Variants in CFAP299 observed in about 807,000 individuals in gnomAD.
CFAP299 encodes the protein cilia- and flagella-associated protein 299.
CFAP299 carries 21 observed loss-of-function variants against 27.0 expected under a neutral mutation model. That is an observed-to-expected ratio of 0.78 (90% CI 0.55 to 1.12). CFAP299 has a LOEUF of 1.12. Ranked by LOEUF, CFAP299 falls within the 50% of genes most tolerant of loss-of-function variation. The pLI, the probability that CFAP299 is intolerant of heterozygous loss-of-function variation, is 0.00. For missense variants in CFAP299, 310 were observed against 276.6 expected, an observed-to-expected ratio of 1.12 and a Z score of -0.86; for synonymous variants, 104 against 98.1, an observed-to-expected ratio of 1.06 and a Z score of -0.36.
At chr4:80,351,618 G>T (rs1723018155) in intron 1 of CFAP299, among the ~76,000 whole-genome samples, 1 of 151,854 alleles carries the variant, frequency 6.6e-6, no homozygotes, top group Admixed American at 6.6e-5. Context: ...CAACCATACT[G>T]AAAATTACAT....
the CFAP299 span, among the ~76,000 whole-genome samples, chr4:80,323,659 TG>T: frequency 6.6e-6 from 1 of 152,218 alleles, no homozygotes; most frequent in African/African-American, 2.4e-5. Context: ...TATATTATAA[TG>T]GTTAATAAAT....
rs1340294004 is a variant in CFAP299 at position 80,866,079 on chromosome 4, A to G, written c.334-3914A>G. Among the ~76,000 whole-genome samples, 13 of 121,476 alleles carry G rather than the reference A, an allele frequency of 1.1e-4. 1 individual carries two copies. The Admixed American group carries it at 1.1e-3, about 10-fold the overall frequency. The allele number at this position is 121,476 out of a possible 152,430, so 79.7% of individuals were successfully genotyped here. The stretch of plus-strand genomic sequence containing the variant: ...AAGTATTATATATATATATATATAT[A>G]TATATATATATATATATCTTCCCAA... On this transcript the variant is annotated intron_variant, in intron 3 of 5. Transcript: ENST00000358105.
At chr4:80,687,289 G>T (rs545627971) in intron 3 of CFAP299, among the ~76,000 whole-genome samples, 5 of 152,166 alleles carry the variant, frequency 3.3e-5, no homozygotes, top group African/African-American at 1.2e-4. Flanking sequence ...TACCACTCGT[G>T]ATCTCCTCAG....
intron 2 of CFAP299, among the ~76,000 whole-genome samples, chr4:80,499,998 G>T (rs912163529): frequency 6.6e-6 from 1 of 151,460 alleles, no homozygotes; most frequent in African/African-American, 2.4e-5. Context: ...TTTGAATGAC[G>T]GACTTTAGCA....
intron 1 of CFAP299, among the ~76,000 whole-genome samples, chr4:80,357,625 G>T (rs1206963599): frequency 6.6e-6 from 1 of 152,148 alleles, no homozygotes; most frequent in Non-Finnish European, 1.5e-5. Context: ...TATGTGCATA[G>T]AGGTGTTCAT....
At chr4:80,386,697 T>C (rs538745694) in intron 2 of CFAP299, 17 of 1,576,584 alleles carry the variant, frequency 1.1e-5, no homozygotes, top group Non-Finnish European at 1.1e-5. Context: ...AAGGACCTGC[T>C]GCACAGGGCG....
intron 3 of CFAP299, among the ~76,000 whole-genome samples, chr4:80,598,172 G>C (rs556491748): frequency 1.3e-5 from 2 of 152,286 alleles, no homozygotes; most frequent in African/African-American, 4.8e-5. Context: ...ATGCTAAAGA[G>C]TTTAGCATAG....
At chr4:80,501,736 C>T (rs920930909) in intron 2 of CFAP299, among the ~76,000 whole-genome samples, 2 of 151,616 alleles carry the variant, frequency 1.3e-5, no homozygotes, top group African/African-American at 4.8e-5. Flanking sequence ...AAAGATGTCA[C>T]CATTTTTGAT....
rs1578015227 is a variant in CFAP299, at chr4:80,684,571, G to C, written c.333+101388G>C. On this transcript the variant is annotated intron_variant, in intron 3 of 5. Transcript: ENST00000358105. ...GCGTGAGCCACTGCGCCCGGCCTGA[G>C]ATGACTATTTTAAGAAATATTTCTA... 2.0e-5 allele frequency among the ~76,000 whole-genome samples: 3 copies of C among 152,250 alleles called. No homozygotes were observed. The South Asian group carries it at 6.2e-4, about 32-fold the overall frequency.
At chr4:80,531,858 A>G (rs1011488415) in intron 2 of CFAP299, among the ~76,000 whole-genome samples, 1 of 151,514 alleles carries the variant, frequency 6.6e-6, no homozygotes, top group African/African-American at 2.4e-5. Context: ...GATTCAAGCA[A>G]TTCTCCTGTC....
chr4:80,657,804 A>G (rs1008672802), intron 3 of CFAP299, among the ~76,000 whole-genome samples: 63 of 152,264 alleles, frequency 4.1e-4, no homozygotes, highest in African/African-American at 1.5e-3. Flanking sequence ...CATTGAATCT[A>G]TAAATTACAT....
chr4:80,844,189 T>C (rs1207525920), intron 3 of CFAP299, among the ~76,000 whole-genome samples: 3 of 152,184 alleles, frequency 2.0e-5, no homozygotes, highest in African/African-American at 7.2e-5. Context: ...GTCTTTGCTA[T>C]TGTGAATAGT....
chr4:80,622,567 T>C lies in CFAP299; in HGVS notation c.333+39384T>C, dbSNP rs150383967. 1.2e-3 allele frequency among the ~76,000 whole-genome samples: 186 copies of C among 150,316 alleles called. 2 individuals carry two copies. The highest frequency in any genetic ancestry group is 4.4e-3 in the African/African-American group (176 of 39,668). On this transcript the variant is annotated intron_variant, in intron 3 of 5. Coordinates refer to ENST00000358105, the MANE Select transcript of CFAP299 (RefSeq NM_152770.3). ...ATAATAACTTGACTGGCCTTTATAA[T>C]TTTTTATTGTCAATATGTTTCTAAT...
In CFAP299 at chr4:80,591,104, A is replaced by ATTTTTTTTTTTTTTTTTTTTTTTTTT. The variant is rs1339201630; in HGVS notation, c.333+7921_333+7922insTTTTTTTTTTTTTTTTTTTTTTTTTT. Among the ~76,000 whole-genome samples the ATTTTTTTTTTTTTTTTTTTTTTTTTT allele has an allele frequency of 6.0e-5, 7 of 116,500 alleles. 2 individuals are homozygous for ATTTTTTTTTTTTTTTTTTTTTTTTTT. The highest frequency in any genetic ancestry group is 9.7e-5 in the African/African-American group (3 of 30,932). The allele number at this position is 116,500 out of a possible 152,430, so 76.4% of individuals were successfully genotyped here. A position where few individuals can be genotyped will look rare whatever the true frequency, so the allele number is the denominator to read the frequency against. The stretch of plus-strand genomic sequence containing the variant: ...AGAAACAGATTATAATACTTTAGGA[A>ATTTTTTTTTTTTTTTTTTTTTTTTTT]ATTTTTTTTTTTTTTTTTTTTTTTT... On this transcript the variant is annotated intron_variant, in intron 3 of 5. Transcript: ENST00000358105.
intron 3 of CFAP299, among the ~76,000 whole-genome samples, chr4:80,683,301 A>G (rs190247105): frequency 3.3e-5 from 5 of 152,292 alleles, no homozygotes; most frequent in African/African-American, 1.2e-4. Context: ...TTCAGTTCTT[A>G]AATCTCTAAA....
At chr4:80,838,476 A>G (rs1730684823) in intron 3 of CFAP299, among the ~76,000 whole-genome samples, 1 of 152,180 alleles carries the variant, frequency 6.6e-6, no homozygotes, top group Non-Finnish European at 1.5e-5. Flanking sequence ...AGTTTTCTGC[A>G]TATGGCTTGC....
chr4:80,486,472 A>G (rs1447241490), intron 2 of CFAP299, among the ~76,000 whole-genome samples: 1 of 152,236 alleles, frequency 6.6e-6, no homozygotes, highest in African/African-American at 2.4e-5. Flanking sequence ...ATTGAGTTTT[A>G]GGACTTTCAG....
At position 80,875,642 on chromosome 4, in the gene CFAP299, C is replaced by T. The variant is rs373457777; in HGVS notation, c.476+5507C>T. Among the ~76,000 whole-genome samples, 568 of 117,638 alleles carry T rather than the reference C, an allele frequency of 4.8e-3. 1 individual carries two copies. The highest frequency in any genetic ancestry group is 0.021 in the Middle Eastern group (4 of 188). The allele number at this position is 117,638 out of a possible 152,430, so 77.2% of individuals were successfully genotyped here. ...TCGCGCCATTGCACTCCAGCCTGGG[C>T]AAAAAGAGTGAAACTCTGTCTCAAA... On this transcript the variant is annotated intron_variant, in intron 4 of 5. Transcript: ENST00000358105.
chr4:80,387,499 G>T (rs896024661), intron 2 of CFAP299: 2 of 817,224 alleles, frequency 2.4e-6, no homozygotes, highest in Non-Finnish European at 2.1e-6. Context: ...TGTGGGCCAG[G>T]CCTGGAGCTG....
Sources: gnomAD v4.1 joint callset for allele counts (sites outside exome capture counted in the v4.1 genomes callset) on GRCh38, gnomAD v4.1.1 for gene constraint, MANE v1.5 for transcripts, NCBI Gene and HGNC (gene_info 2026-07-23, HGNC 2026-07-21) for gene names.